FNDC3A: variants seen among roughly 807,000 people sequenced by gnomAD.
FNDC3A encodes the protein fibronectin type-III domain-containing protein 3A.
FNDC3A carries 32 observed loss-of-function variants against 148.9 expected under a neutral mutation model. The observed-to-expected ratio is 0.21, with a 90% CI of 0.16 to 0.29. The LOEUF is 0.29. FNDC3A is among the 10% of genes least tolerant of loss of function. The pLI is 1.00. For synonymous variants in FNDC3A, 472 were observed against 473.6 expected, an observed-to-expected ratio of 1.00 and a Z score of 0.04; for missense variants, 1,191 against 1,452.8, an observed-to-expected ratio of 0.82 and a Z score of 2.93.
chr13:49,015,169 A>T (rs1227513325), intron 2 of FNDC3A, among the ~76,000 whole-genome samples: 2 of 152,156 alleles, frequency 1.3e-5, no homozygotes, highest in Non-Finnish European at 2.9e-5. Context: ...GATGGCATTG[A>T]ATCTGTAAAT....
chr13:49,013,871 G>A (rs1017948413), intron 2 of FNDC3A, among the ~76,000 whole-genome samples: 6 of 151,326 alleles, frequency 4.0e-5, no homozygotes, highest in African/African-American at 1.5e-4. Flanking sequence ...TCTTGCAGTA[G>A]TTTACTGAGA....
At chr13:49,115,502 A>T (rs1297235921) in intron 4 of FNDC3A, among the ~76,000 whole-genome samples, 1 of 152,108 alleles carries the variant, frequency 6.6e-6, no homozygotes, top group African/African-American at 2.4e-5. Flanking sequence ...ATTGGGGTGG[A>T]TTTTCTGCAC....
chr13:49,136,409 T>A lies in FNDC3A; in HGVS notation c.568T>A (p.Leu190Met). 6.2e-7 allele frequency: 1 copy of A among 1,613,910 alleles called. No homozygotes were observed. Among genetic ancestry groups the A allele is most frequent in the Non-Finnish European group, 8.5e-7 (1 of 1,179,954 alleles). ...SKTYERLQKK[L>M]KDRQGTQKDK... ...AACATATGAACGTTTGCAGAAAAAA[T>A]TGAAGGATCGCCAAGGAACACAGAA... Residue 190 changes from leucine (L) to methionine (M), a missense_variant, in exon 6 of 26, where the codon TTG (leucine) becomes ATG (methionine). Leu to Met is a conservative substitution (Grantham distance 15, BLOSUM62 2). Transcript: ENST00000492622.
intron 2 of FNDC3A, among the ~76,000 whole-genome samples, chr13:49,014,107 A>G (rs375925373): frequency 0.051 from 7,107 of 140,060 alleles, 493 homozygotes; most frequent in African/African-American, 0.17. Flanking sequence ...CTTTGGGTAT[A>G]TACCCAGTAA....
chr13:49,027,285 T>C (rs927527426), intron 2 of FNDC3A, among the ~76,000 whole-genome samples: 1 of 152,164 alleles, frequency 6.6e-6, no homozygotes, highest in Non-Finnish European at 1.5e-5. Context: ...ATGATCTAGT[T>C]GATACTAATA....
intron 2 of FNDC3A, among the ~76,000 whole-genome samples, chr13:49,072,158 T>C (rs1048776919): frequency 6.6e-6 from 1 of 152,222 alleles, no homozygotes; most frequent in African/African-American, 2.4e-5. Flanking sequence ...AGGTCTTACA[T>C]TTAAATCTTT....
At chr13:49,189,622 A>G (rs1364165491) in intron 17 of FNDC3A, among the ~76,000 whole-genome samples, 1 of 152,126 alleles carries the variant, frequency 6.6e-6, no homozygotes. Context: ...TTTTGTTGAA[A>G]ATGAAACTAA....
At chr13:49,022,548 G>C (rs1434219344) in intron 2 of FNDC3A, among the ~76,000 whole-genome samples, 1 of 152,070 alleles carries the variant, frequency 6.6e-6, no homozygotes, top group Non-Finnish European at 1.5e-5. Context: ...TCCATGCTAA[G>C]CTATAAACAT....
chr13:49,145,754 C>G, intron 7 of FNDC3A, 24 bp from the exon 8 acceptor site: 2 of 1,607,652 alleles, frequency 1.2e-6, no homozygotes, highest in South Asian at 2.2e-5. Flanking sequence ...TTTTAAAGAA[C>G]TTTTAAATGT....
intron 1 of FNDC3A, among the ~76,000 whole-genome samples, chr13:48,977,497 C>T (rs920378301): frequency 5.3e-5 from 8 of 152,196 alleles, no homozygotes; most frequent in Non-Finnish European, 1.2e-4. Flanking sequence ...TTTACTAACT[C>T]TTGTCATCTT....
intron 14 of FNDC3A, among the ~76,000 whole-genome samples, chr13:49,185,637 TAAA>T (rs1490069391): frequency 6.6e-6 from 1 of 152,216 alleles, no homozygotes; most frequent in African/African-American, 2.4e-5. Flanking sequence ...CAAAGAATGT[TAAA>T]AGAAGAAACA....
At chr13:49,190,625 T>G (rs1248887377) in intron 17 of FNDC3A, among the ~76,000 whole-genome samples, 1 of 152,218 alleles carries the variant, frequency 6.6e-6, no homozygotes. Flanking sequence ...GCATATACAG[T>G]ATTTTAAAAC....
intron 3 of FNDC3A, among the ~76,000 whole-genome samples, chr13:49,099,172 A>C (rs761090958): frequency 2.0e-5 from 3 of 152,160 alleles, no homozygotes; most frequent in African/African-American, 7.2e-5. Flanking sequence ...CAATATTATT[A>C]GTAGTTCATT....
chr13:49,162,334 C>G (rs1166274905), intron 8 of FNDC3A, among the ~76,000 whole-genome samples: 2 of 151,894 alleles, frequency 1.3e-5, no homozygotes, highest in Non-Finnish European at 2.9e-5. Flanking sequence ...CTAAACTTAT[C>G]TTCTCACTTC....
At position 49,187,529 on chromosome 13, in the gene FNDC3A, C is replaced by G. The variant is rs960549391; in HGVS notation, c.1825+339C>G. On this transcript the variant is annotated intron_variant, in intron 16 of 25. Transcript: ENST00000492622. Reference sequence around the variant, plus strand: ...ACTACAAGAAAGGGTGTAGCAAATGCAGATCCAAAGTACAAACACATCTTA... The same window carrying G: ...ACTACAAGAAAGGGTGTAGCAAATGGAGATCCAAAGTACAAACACATCTTA... 5 of 1,609,584 alleles carry G rather than the reference C, an allele frequency of 3.1e-6. No individual in the cohort carries two copies. The South Asian group carries it at 4.4e-5, about 14-fold the overall frequency.
chr13:49,030,057 C>G (rs187878034), intron 2 of FNDC3A, among the ~76,000 whole-genome samples: 1 of 152,244 alleles, frequency 6.6e-6, no homozygotes, highest in East Asian at 1.9e-4. Context: ...AACACCAAAT[C>G]TAAAACTAAA....
chr13:49,082,868 A>G (rs1878569338), intron 3 of FNDC3A, among the ~76,000 whole-genome samples: 1 of 152,150 alleles, frequency 6.6e-6, no homozygotes, highest in Non-Finnish European at 1.5e-5. Context: ...GAGCAGGATG[A>G]GGCAGTCACT....
At chr13:49,169,879 A>G (rs1884665485) in intron 10 of FNDC3A, among the ~76,000 whole-genome samples, 1 of 152,242 alleles carries the variant, frequency 6.6e-6, no homozygotes, top group Non-Finnish European at 1.5e-5. Flanking sequence ...GTGATAAAAA[A>G]GTATGACTAA....
chr13:49,105,571 A>G (rs1880123592), intron 3 of FNDC3A, among the ~76,000 whole-genome samples: 1 of 152,196 alleles, frequency 6.6e-6, no homozygotes, highest in Non-Finnish European at 1.5e-5. Flanking sequence ...GAATAGTAAA[A>G]TGAACTGCCT....
Sources: gnomAD v4.1 joint callset for allele counts (sites outside exome capture counted in the v4.1 genomes callset) on GRCh38, gnomAD v4.1.1 for gene constraint, MANE v1.5 for transcripts, NCBI Gene and HGNC (gene_info 2026-07-23, HGNC 2026-07-21) for gene names.